The following ANKFY1 variants were observed in gnomAD, a reference collection of about 807,000 sequenced individuals.
ANKFY1 encodes ankyrin repeat and FYVE domain containing 1.
Under a neutral mutation model 128.3 loss-of-function variants are expected in ANKFY1, and 47 were observed. The observed-to-expected ratio is 0.37, with a 90% CI of 0.29 to 0.47. ANKFY1 has a LOEUF of 0.47. Ranked by LOEUF, ANKFY1 falls within the 20% of genes least tolerant of loss-of-function variation. ANKFY1 has a pLI of 1.00. For synonymous variants in ANKFY1, 553 were observed against 601.6 expected, an observed-to-expected ratio of 0.92 and a Z score of 1.18; for missense variants, 1,222 against 1,510.6, an observed-to-expected ratio of 0.81 and a Z score of 3.17.
intron 4 of ANKFY1, among the ~76,000 whole-genome samples, chr17:4,213,346 C>A (rs944652251): frequency 6.6e-6 from 1 of 151,746 alleles, no homozygotes. Flanking sequence ...CCCGCCACCA[C>A]GACCGGCTAA....
At chr17:4,233,921 T>G (rs1483527021) in intron 3 of ANKFY1, among the ~76,000 whole-genome samples, 1 of 152,182 alleles carries the variant, frequency 6.6e-6, no homozygotes, top group East Asian at 1.9e-4. Flanking sequence ...CTTCGGCAAG[T>G]CCAGTCATAA....
chr17:4,207,830 G>C, intron 6 of ANKFY1, 103 bp downstream of exon 6: 1 of 1,199,306 alleles, frequency 8.3e-7, no homozygotes, highest in Non-Finnish European at 1.1e-6. Flanking sequence ...GTACGTTAAA[G>C]ACTGTGCCAG....
chr17:4,167,606 A>T lies in ANKFY1; in HGVS notation c.*173T>A. The T allele has an allele frequency of 1.7e-6, 1 of 587,844 alleles. No homozygotes were observed. 36.4% of individuals were successfully genotyped at this position (587,844 alleles called of 1,614,324 possible). A position where few individuals can be genotyped will look rare whatever the true frequency, so the allele number is the denominator to read the frequency against. ...TCACAGTCTGACACACACACTGACA[A>T]TCATATGGAATCATTTGAAATGGGA... is the stretch of plus-strand genomic sequence containing the variant. On this transcript the variant is annotated 3_prime_UTR_variant, in exon 25 of 25. Coordinates refer to ENST00000341657, the MANE Select transcript of ANKFY1 (RefSeq NM_001330063.2). This position sits in a 1 kb window ranked among gnomAD's most constrained non-coding sequence, Gnocchi z 4.1.
At chr17:4,208,729 T>C (rs1348438443) in intron 5 of ANKFY1, among the ~76,000 whole-genome samples, 1 of 151,648 alleles carries the variant, frequency 6.6e-6, no homozygotes, top group African/African-American at 2.4e-5. Flanking sequence ...GCACCAGCCC[T>C]AATATTCTAA....
rs755492339 is a variant in ANKFY1 at position 4,178,895 on chromosome 17, C to T, written c.2560G>A (p.Glu854Lys). The change falls in exon 18 of 25, where the codon GAG becomes AAG. Residue 854 changes from glutamate (E) to lysine (K), a missense_variant. Transcript: ENST00000341657. This position sits in a 1 kb window ranked among gnomAD's most constrained non-coding sequence, Gnocchi z 4.1. ...CCGGACTCTCGTTTGAGAATGGCCT[C>T]GGCTGACTTGTTGTTCTTGAAAGTC... The part of the protein sequence containing the change: ...AMTFKNNKSA[E>K]AILKRESGAA... The T allele has an allele frequency of 1.7e-5, 28 of 1,614,180 alleles. No individual in the cohort carries two copies. The South Asian group carries it at 1.8e-4, about 10-fold the overall frequency.
At position 4,178,621 on chromosome 17, in the gene ANKFY1, C is replaced by T; in HGVS notation, c.2598+236G>A. On this transcript the variant is annotated intron_variant, in intron 18 of 24. Coordinates refer to ENST00000341657, the MANE Select transcript of ANKFY1 (RefSeq NM_001330063.2). The surrounding 1 kb of genome is among the most constrained non-coding windows in gnomAD (Gnocchi z 4.1). ...GCCACAGAATTCCTACGATGGAGCC[C>T]ACTGCCTCCGCTTCCATCGAAGCCG... is the stretch of plus-strand genomic sequence containing the variant. 5.3e-6 allele frequency: 3 copies of T among 566,896 alleles called. No homozygotes were observed. The South Asian group carries it at 6.2e-5, about 12-fold the overall frequency. The allele number at this position is 566,896 out of a possible 1,614,324, so 35.1% of individuals were successfully genotyped here.
chr17:4,218,106 C>T (rs1363348763), intron 3 of ANKFY1, among the ~76,000 whole-genome samples: 3 of 152,150 alleles, frequency 2.0e-5, no homozygotes, highest in Non-Finnish European at 4.4e-5. Context: ...GGCTAGTAAA[C>T]CTTACTGATA....
intron 6 of ANKFY1, among the ~76,000 whole-genome samples, chr17:4,207,040 G>T (rs1008853313): frequency 6.6e-6 from 1 of 152,122 alleles, no homozygotes; most frequent in Non-Finnish European, 1.5e-5. Flanking sequence ...ATGGCAAAAG[G>T]CACTTTGAGG....
chr17:4,237,399 A>G (rs1041524316), intron 2 of ANKFY1, among the ~76,000 whole-genome samples: 1 of 152,364 alleles, frequency 6.6e-6, no homozygotes, highest in Admixed American at 6.5e-5. Context: ...AGAATACTCT[A>G]TGCAAAACAG....
chr17:4,222,214 GC>G (rs926547102), intron 3 of ANKFY1: 16 of 235,620 alleles, frequency 6.8e-5, no homozygotes, highest in African/African-American at 3.3e-4. Flanking sequence ...TGGCGCCGCC[GC>G]CCCCGCCGCC....
At chr17:4,207,661 T>G (rs1202016849) in intron 6 of ANKFY1, among the ~76,000 whole-genome samples, 1 of 151,804 alleles carries the variant, frequency 6.6e-6, no homozygotes, top group East Asian at 1.9e-4. Context: ...ACACAGATTT[T>G]GGCACCTAAA....
At chr17:4,195,297 T>C in intron 9 of ANKFY1, 106 bp downstream of exon 9, 1 of 1,434,798 alleles carries the variant, frequency 7.0e-7, no homozygotes. Flanking sequence ...TAGCTCACTT[T>C]AACTTCTTAA....
chr17:4,183,760 A>T (rs2059559181), intron 13 of ANKFY1, 52 bp downstream of exon 13: 1 of 1,549,812 alleles, frequency 6.5e-7, no homozygotes, highest in Non-Finnish European at 8.9e-7. Context: ...ACCCGGCCCC[A>T]CTTCGGACAG....
Position 4,177,154 on chromosome 17 carries a change from G to A in ANKFY1, c.2747C>T (p.Ala916Val), listed in dbSNP as rs1203745993. The A allele has an allele frequency of 2.5e-6, 4 of 1,595,878 alleles. No homozygotes were observed. In the African/African-American group the frequency reaches 5.4e-5, roughly 21 times the overall value. Residue 916 changes from alanine (A) to valine (V), a missense_variant, in exon 19 of 25, where the codon GCA (alanine) becomes GTA (valine). By Grantham distance (64) the Ala-to-Val change is moderately conservative (BLOSUM62 0). Coordinates refer to ENST00000341657, the MANE Select transcript of ANKFY1 (RefSeq NM_001330063.2). Reference sequence around the variant, plus strand: ...ATTGCGGACAATAATTTCTGAGCCTGCTTGGACAGCGAGGTGCAGGGGGGT... The same window carrying A: ...ATTGCGGACAATAATTTCTGAGCCTACTTGGACAGCGAGGTGCAGGGGGGT... ...KLTPLHLAVQ[A>V]GSEIIVRNLL...
Position 4,222,539 on chromosome 17 carries a change from G to C in ANKFY1, c.323-5421C>G. ...GTTCTACGCACTTTATCAGTATTTC[G>C]GGTAGAGCTTTCCTGTACTGGCAAA... is the stretch of plus-strand genomic sequence containing the variant. On this transcript the variant is annotated intron_variant, in intron 3 of 24. Transcript: ENST00000341657. The C allele has an allele frequency of 9.8e-6, 12 of 1,230,016 alleles. No individual in the cohort carries two copies. The South Asian group carries it at 1.5e-4, about 15-fold the overall frequency. The allele number at this position is 1,230,016 out of a possible 1,614,324, so 76.2% of individuals were successfully genotyped here.
At chr17:4,225,878 A>G (rs1372666215) in intron 3 of ANKFY1, among the ~76,000 whole-genome samples, 1 of 152,082 alleles carries the variant, frequency 6.6e-6, no homozygotes, top group Non-Finnish European at 1.5e-5. Context: ...CTCCCACCTC[A>G]ACCTTCTAAG....
At chr17:4,171,841 C>G (rs1051772024) in intron 22 of ANKFY1, among the ~76,000 whole-genome samples, 2 of 152,256 alleles carry the variant, frequency 1.3e-5, no homozygotes, top group Non-Finnish European at 2.9e-5. Flanking sequence ...GACTCCATTT[C>G]TGCCAAGACC....
intron 19 of ANKFY1, among the ~76,000 whole-genome samples, chr17:4,175,246 T>C (rs764077016): frequency 2.0e-5 from 3 of 151,020 alleles, no homozygotes; most frequent in Admixed American, 6.6e-5. Context: ...GATGGGAGGA[T>C]TGATTGAGCC....
At chr17:4,188,629 A>G (rs1001286125) in intron 11 of ANKFY1, 2 of 152,246 alleles carry the variant, frequency 1.3e-5, no homozygotes, top group Non-Finnish European at 2.9e-5. Flanking sequence ...GATCTTGAAG[A>G]CAAGCACATC....
Sources: gnomAD v4.1 joint callset for allele counts (sites outside exome capture counted in the v4.1 genomes callset) on GRCh38, gnomAD v4.1.1 for gene constraint, Gnocchi (gnomAD v3.1) non-coding constraint, MANE v1.5 for transcripts, NCBI Gene and HGNC (gene_info 2026-07-23, HGNC 2026-07-21) for gene names.